CCDC18: variants seen among roughly 807,000 people sequenced by gnomAD.
The protein encoded by CCDC18 is coiled-coil domain-containing protein 18.
CCDC18 carries 157 observed loss-of-function variants against 196.0 expected under a neutral mutation model. That is an observed-to-expected ratio of 0.80 (90% CI 0.70 to 0.91). CCDC18 has a LOEUF of 0.91. CCDC18 is among the 40% of genes least tolerant of loss of function. CCDC18 has a pLI of 0.00. For missense variants in CCDC18, 1,465 were observed against 1,611.6 expected, an observed-to-expected ratio of 0.91 and a Z score of 1.56; for synonymous variants, 482 against 529.2, an observed-to-expected ratio of 0.91 and a Z score of 1.22.
chr1:93,246,812 A>G (rs767058637), intron 22 of CCDC18, 26 bp from the exon 23 acceptor site: 6 of 1,017,322 alleles, frequency 5.9e-6, no homozygotes, highest in Admixed American at 1.9e-5. Flanking sequence ...AATAAAATTG[A>G]ACAACAGTTT....
At chr1:93,246,074 G>A (rs1021494866) in intron 21 of CCDC18, 31 bp from the exon 22 acceptor site, 9 of 1,474,476 alleles carry the variant, frequency 6.1e-6, no homozygotes, top group Non-Finnish European at 8.4e-6. Flanking sequence ...TCTACTATCT[G>A]CTTTGATCTT....
chr1:93,222,587 G>A (rs1657621791), intron 16 of CCDC18, among the ~76,000 whole-genome samples: 1 of 152,086 alleles, frequency 6.6e-6, no homozygotes, highest in Non-Finnish European at 1.5e-5. Context: ...CATGGGCTTT[G>A]TTGTTAAATT....
Position 93,183,366 on chromosome 1 carries a change from A to AAT in CCDC18, c.6_7dup (p.Ser3TyrfsTer24), listed in dbSNP as rs548013877. The AAT allele has an allele frequency of 3.7e-5, 57 of 1,549,342 alleles. No individual in the cohort carries two copies. In the South Asian group the frequency reaches 7.1e-4, roughly 19 times the overall value. On this transcript the variant is annotated frameshift_variant, in exon 2 of 29. Transcript: ENST00000690025. LOFTEE classifies it high-confidence loss of function. Reference sequence around the variant, plus strand: ...AATTCATTTTTTTTTTAAGAAATGGAATCTAGTTCATCAGACTACTATAAT... The same window carrying AAT: ...AATTCATTTTTTTTTTAAGAAATGGAATATCTAGTTCATCAGACTACTATAAT...
intron 25 of CCDC18, among the ~76,000 whole-genome samples, chr1:93,257,251 A>C (rs1383373647): frequency 1.3e-5 from 2 of 149,040 alleles, no homozygotes; most frequent in African/African-American, 5.0e-5. Context: ...AAAAAAAAAA[A>C]AAAAAAAACA....
intron 19 of CCDC18, among the ~76,000 whole-genome samples, chr1:93,237,976 G>T (rs1481768442): frequency 6.6e-6 from 1 of 151,994 alleles, no homozygotes; most frequent in Non-Finnish European, 1.5e-5. Flanking sequence ...CTTTCTCTGG[G>T]TATCTCAGGG....
chr1:93,203,514 G>C (rs922095011), intron 7 of CCDC18, among the ~76,000 whole-genome samples: 4 of 152,108 alleles, frequency 2.6e-5, no homozygotes, highest in African/African-American at 9.7e-5. Context: ...GATACCCTGG[G>C]AGATAAAGAA....
intron 16 of CCDC18, among the ~76,000 whole-genome samples, chr1:93,222,994 C>G (rs1410023769): frequency 6.6e-6 from 1 of 152,074 alleles, no homozygotes; most frequent in Non-Finnish European, 1.5e-5. Flanking sequence ...ATAAATATTC[C>G]TGTAGTATTC....
Position 93,214,795 on chromosome 1 carries a change from A to G in CCDC18, c.1548A>G (p.Lys516=), listed in dbSNP as rs1207696225. Reference sequence around the variant, plus strand: ...ATACTATGAACAAGCAATATGAAAAAGAGAGGCAAAGACTTGTTACTGGAA... The same window carrying G: ...ATACTATGAACAAGCAATATGAAAAGGAGAGGCAAAGACTTGTTACTGGAA... ...NQHTMNKQYE[K]ERQRLVTGIE... Residue 516 remains lysine, a synonymous_variant, in exon 12 of 29, where the codon AAA becomes AAG. Transcript: ENST00000690025. 2 of 1,613,062 alleles carry G rather than the reference A, an allele frequency of 1.2e-6. No individual in the cohort carries two copies. Among genetic ancestry groups the G allele is most frequent in the African/African-American group, 2.7e-5 (2 of 74,920 alleles).
chr1:93,275,348 A>G (rs1454801050), intron 28 of CCDC18, among the ~76,000 whole-genome samples: 3 of 152,088 alleles, frequency 2.0e-5, no homozygotes. Flanking sequence ...GCCCCAAGTG[A>G]TCTACCCACC....
intron 11 of CCDC18, 58 bp downstream of exon 11, chr1:93,212,319 T>C: frequency 2.5e-6 from 3 of 1,218,550 alleles, no homozygotes; most frequent in Non-Finnish European, 2.2e-6. Context: ...GATAGTTTTT[T>C]TTTAAAAAAA....
rs771240236 is a variant in CCDC18 at position 93,239,441 on chromosome 1, CAAAG to C, written c.2737_2740del (p.Lys913GlnfsTer3). 15 of 1,611,162 alleles carry C rather than the reference CAAAG, an allele frequency of 9.3e-6. No homozygotes were observed. In the South Asian group the frequency reaches 1.7e-4, roughly 18 times the overall value. On this transcript the variant is annotated frameshift_variant, in exon 20 of 29. Coordinates refer to ENST00000690025, the MANE Select transcript of CCDC18 (RefSeq NM_001378204.1). LOFTEE classifies it high-confidence loss of function. ...CAATTAGATATGATCTTAGATCAGA[CAAAG>C]ACAGAGCTAGAAAAGAAAACAAATG...
intron 27 of CCDC18, among the ~76,000 whole-genome samples, chr1:93,267,689 T>C (rs777329022): frequency 6.6e-6 from 1 of 152,122 alleles, no homozygotes; most frequent in Non-Finnish European, 1.5e-5. Flanking sequence ...CCATTCACAA[T>C]TGCTTCAAAG....
At chr1:93,186,108 C>A (rs1571325058) in intron 3 of CCDC18, among the ~76,000 whole-genome samples, 1 of 151,838 alleles carries the variant, frequency 6.6e-6, no homozygotes, top group African/African-American at 2.4e-5. Context: ...ATAATACCAG[C>A]CAGTTTCCCA....
At chr1:93,180,140 C>A, upstream of CCDC18, 1 of 1,613,634 alleles carries the variant, frequency 6.2e-7, no homozygotes, top group South Asian at 1.1e-5. Context: ...AAGGTGAAGT[C>A]GCTATCGAGG....
In CCDC18 at chr1:93,236,405, T is replaced by A. The variant is rs763165648; in HGVS notation, c.2603+15T>A. On this transcript the variant is annotated intron_variant, in intron 19 of 28. Coordinates refer to ENST00000690025, the MANE Select transcript of CCDC18 (RefSeq NM_001378204.1). ...GGCACTGCCAGGTAAAATGTGAATA[T>A]GTTTTATTTACCTTCCCACTTCAAT... is the stretch of plus-strand genomic sequence containing the variant. 3 of 1,581,660 alleles carry A rather than the reference T, an allele frequency of 1.9e-6. No homozygotes were observed. The African/African-American group carries it at 4.1e-5, about 22-fold the overall frequency.
intron 12 of CCDC18, among the ~76,000 whole-genome samples, chr1:93,215,402 A>G (rs368414475): frequency 2.0e-5 from 3 of 150,804 alleles, no homozygotes; most frequent in African/African-American, 7.3e-5. Context: ...TGTTCCAGCA[A>G]TTTCTGATTC....
intron 26 of CCDC18, among the ~76,000 whole-genome samples, chr1:93,264,469 T>A (rs941973374): frequency 1.5e-4 from 23 of 152,336 alleles, no homozygotes; most frequent in Admixed American, 1.5e-3. Context: ...AGTACCCAAA[T>A]AGAGTCCATT....
intron 27 of CCDC18, among the ~76,000 whole-genome samples, chr1:93,268,669 G>GA (rs1348730652): frequency 2.6e-5 from 4 of 152,084 alleles, no homozygotes; most frequent in African/African-American, 4.8e-5. Flanking sequence ...ACAGACACAT[G>GA]AAAAAATGTT....
At chr1:93,225,948 T>C (rs142243984) in intron 16 of CCDC18, among the ~76,000 whole-genome samples, 1 of 152,160 alleles carries the variant, frequency 6.6e-6, no homozygotes, top group Non-Finnish European at 1.5e-5. Context: ...TTGGCCCTAG[T>C]TTATCTTGTC....
Sources: allele counts gnomAD v4.1 joint callset (sites outside exome capture counted in the v4.1 genomes callset), GRCh38; gene constraint gnomAD v4.1.1; transcripts MANE v1.5; gene names NCBI Gene and HGNC (gene_info 2026-07-23, HGNC 2026-07-21).